PTPRT: variants seen among roughly 807,000 people sequenced by gnomAD.
The protein encoded by PTPRT is protein tyrosine phosphatase receptor type T.
In PTPRT, 56 loss-of-function variants were observed where a neutral mutation model predicts 176.8. That is an observed-to-expected ratio of 0.32 (90% CI 0.26 to 0.40). The LOEUF (loss-of-function observed/expected upper bound fraction) is 0.40. PTPRT is among the 10% of genes least tolerant of loss of function. PTPRT has a pLI of 1.00. For missense variants in PTPRT, 1,540 were observed against 1,908.2 expected (o/e 0.81, Z 3.60); for synonymous variants, 783 against 739.0 (o/e 1.06, Z -0.96).
At chr20:42,364,496 CCTT>C (rs531765361) in intron 9 of PTPRT, among the ~76,000 whole-genome samples, 76 of 152,190 alleles carry the variant, frequency 5.0e-4, no homozygotes, top group Admixed American at 1.8e-3. Flanking sequence ...TGTTATATCT[CCTT>C]CTTACTAGAA....
intron 2 of PTPRT, among the ~76,000 whole-genome samples, chr20:42,833,590 GAAA>G: frequency 6.6e-6 from 1 of 150,954 alleles, no homozygotes; most frequent in Non-Finnish European, 1.5e-5. Context: ...CTCATTTAAG[GAAA>G]AAAAGACTAA....
chr20:42,761,168 C>T (rs1458426132), intron 5 of PTPRT, among the ~76,000 whole-genome samples: 2 of 152,144 alleles, frequency 1.3e-5, no homozygotes, highest in African/African-American at 4.8e-5. Context: ...GGCACGGTGG[C>T]TGACGCCTGT....
At chr20:42,910,836 G>A (rs974018531) in intron 1 of PTPRT, among the ~76,000 whole-genome samples, 1 of 152,176 alleles carries the variant, frequency 6.6e-6, no homozygotes, top group African/African-American at 2.4e-5. Context: ...ATTTATAAAG[G>A]ACAGAGGTTT....
intron 9 of PTPRT, among the ~76,000 whole-genome samples, chr20:42,410,063 T>C (rs929126528): frequency 1.3e-5 from 2 of 152,142 alleles, no homozygotes; most frequent in African/African-American, 4.8e-5. Context: ...ACGGTAACTA[T>C]GATGTTTCAT....
At chr20:43,079,502 C>G (rs1189105747) in intron 1 of PTPRT, among the ~76,000 whole-genome samples, 2 of 152,140 alleles carry the variant, frequency 1.3e-5, no homozygotes, top group Non-Finnish European at 2.9e-5. Context: ...ACCATATCTA[C>G]AACACTAAGT....
At chr20:42,466,658 A>T (rs1341499483) in intron 8 of PTPRT, among the ~76,000 whole-genome samples, 7 of 152,204 alleles carry the variant, frequency 4.6e-5, no homozygotes, top group African/African-American at 1.7e-4. Context: ...ATATATGTAT[A>T]AAATGTGTTG....
the PTPRT span, among the ~76,000 whole-genome samples, chr20:42,053,574 C>T: frequency 1.3e-5 from 2 of 152,162 alleles, no homozygotes; most frequent in African/African-American, 4.8e-5. Context: ...CACAGTTAAG[C>T]CCAGTGACAG....
At chr20:43,064,049 C>A (rs915676771) in intron 1 of PTPRT, among the ~76,000 whole-genome samples, 1 of 152,072 alleles carries the variant, frequency 6.6e-6, no homozygotes, top group African/African-American at 2.4e-5. Context: ...AAAAAAAGTT[C>A]CCTTCTATGG....
At chr20:43,152,212 A>G (rs919499958) in intron 1 of PTPRT, among the ~76,000 whole-genome samples, 1 of 148,322 alleles carries the variant, frequency 6.7e-6, no homozygotes, top group Admixed American at 7.4e-5. Context: ...GTTAGCCAAG[A>G]AAAAAAAAAT....
chr20:42,479,287 A>T (rs1205241726), intron 7 of PTPRT, among the ~76,000 whole-genome samples: 1 of 152,202 alleles, frequency 6.6e-6, no homozygotes, highest in African/African-American at 2.4e-5. Context: ...TAATTTGGGG[A>T]TGGGGCTGAA....
intron 4 of PTPRT, among the ~76,000 whole-genome samples, chr20:42,773,183 C>T (rs1268802408): frequency 6.6e-6 from 1 of 152,154 alleles, no homozygotes; most frequent in East Asian, 1.9e-4. Flanking sequence ...TAAAAGTGAC[C>T]CCTTTCCATG....
At chr20:42,580,747 T>C (rs913405657) in intron 7 of PTPRT, among the ~76,000 whole-genome samples, 2 of 152,244 alleles carry the variant, frequency 1.3e-5, no homozygotes, top group African/African-American at 2.4e-5. Flanking sequence ...TTTTTGCCCA[T>C]TGATTTTGTA....
chr20:42,502,515 A>T (rs2071770097), intron 7 of PTPRT, among the ~76,000 whole-genome samples: 1 of 151,920 alleles, frequency 6.6e-6, no homozygotes, highest in Non-Finnish European at 1.5e-5. Flanking sequence ...ATATAAAAGG[A>T]AGAATATCAC....
At chr20:42,140,526 C>A (rs1328377383) in intron 18 of PTPRT, among the ~76,000 whole-genome samples, 1 of 152,186 alleles carries the variant, frequency 6.6e-6, no homozygotes, top group African/African-American at 2.4e-5. Flanking sequence ...CCTCACCCCC[C>A]AGAACTGAAT....
intron 2 of PTPRT, among the ~76,000 whole-genome samples, chr20:42,792,581 T>A (rs972606201): frequency 2.0e-5 from 3 of 152,222 alleles, no homozygotes; most frequent in Non-Finnish European, 4.4e-5. Context: ...CTTATGATTC[T>A]ATGAAATAAA....
At chr20:42,687,617 G>C (rs943716582) in intron 6 of PTPRT, 3 of 152,162 alleles carry the variant, frequency 2.0e-5, no homozygotes, top group Non-Finnish European at 2.9e-5. Flanking sequence ...AGGAGAAGCT[G>C]GATTCTAAAG....
intron 7 of PTPRT, among the ~76,000 whole-genome samples, chr20:42,673,125 G>A (rs2075441037): frequency 1.3e-5 from 2 of 152,316 alleles, no homozygotes; most frequent in Admixed American, 1.3e-4. Context: ...CAGGGCTGAA[G>A]ACTCCATCAA....
chr20:42,264,935 T>G (rs2056813646), intron 13 of PTPRT, among the ~76,000 whole-genome samples: 1 of 152,198 alleles, frequency 6.6e-6, no homozygotes, highest in South Asian at 2.1e-4. Flanking sequence ...CTGGCCCAGA[T>G]TCAGTCTGCC....
At chr20:43,015,130 C>T (rs183781910) in intron 1 of PTPRT, among the ~76,000 whole-genome samples, 62 of 152,298 alleles carry the variant, frequency 4.1e-4, no homozygotes, top group Middle Eastern at 3.4e-3. Context: ...TCATAAGAGA[C>T]ATGTTCTTTT....
Sources: gnomAD v4.1 joint callset for allele counts (sites outside exome capture counted in the v4.1 genomes callset) on GRCh38, gnomAD v4.1.1 for gene constraint, MANE v1.5 for transcripts, NCBI Gene and HGNC (gene_info 2026-07-23, HGNC 2026-07-21) for gene names.